Variants in SH2D6 observed in about 807,000 individuals in gnomAD.
SH2D6 encodes the protein SH2 domain containing 6.
A neutral mutation model predicts 30.2 loss-of-function variants in SH2D6; 31 were observed. The ratio of observed to expected loss-of-function variants is 1.03; its 90% CI spans 0.77 to 1.38. SH2D6 has a LOEUF of 1.38. Among genes scored for constraint, SH2D6 ranks in the 40% most tolerant of loss-of-function variants. The pLI is 0.00. For synonymous variants in SH2D6, 93 were observed against 104.6 expected (o/e 0.89, Z 0.68); for missense variants, 240 against 266.8 (o/e 0.90, Z 0.70).
chr2:85,436,132 G>A (rs1048386993), intron 22 of SH2D6, among the ~76,000 whole-genome samples: 3 of 152,120 alleles, frequency 2.0e-5, no homozygotes, highest in Admixed American at 6.5e-5. Context: ...ACTCAATGTC[G>A]CACCCAGCAT....
At chr2:85,424,439 G>A (rs1489762932) in intron 5 of SH2D6, among the ~76,000 whole-genome samples, 1 of 151,980 alleles carries the variant, frequency 6.6e-6, no homozygotes, top group African/African-American at 2.4e-5. Flanking sequence ...TATATTGATG[G>A]ATTTTTTTAA....
At chr2:85,424,311 G>A (rs1353256955) in intron 5 of SH2D6, among the ~76,000 whole-genome samples, 3 of 152,144 alleles carry the variant, frequency 2.0e-5, no homozygotes, top group South Asian at 2.1e-4. Context: ...CTGGCCTCCC[G>A]CTCCCTGGCC....
intron 2 of SH2D6, 91 bp from the exon 3 acceptor site, chr2:85,422,111 GT>G: frequency 6.6e-6 from 1 of 152,160 alleles, no homozygotes; most frequent in Non-Finnish European, 1.5e-5. Context: ...CATTTTGGGG[GT>G]AACATTTTTT....
chr2:85,427,272 T>G (rs977841776), intron 6 of SH2D6, among the ~76,000 whole-genome samples: 2 of 152,214 alleles, frequency 1.3e-5, no homozygotes, highest in Non-Finnish European at 2.9e-5. Flanking sequence ...AATGTGAGTT[T>G]CTAGTAAGTC....
chr2:85,421,126 G>A (rs1171831309), intron 2 of SH2D6, among the ~76,000 whole-genome samples: 1 of 152,254 alleles, frequency 6.6e-6, no homozygotes, highest in Non-Finnish European at 1.5e-5. Context: ...CAGGCTCTGT[G>A]CTGAAGAAGG....
At chr2:85,423,261 T>C (rs1687814980) in intron 5 of SH2D6, among the ~76,000 whole-genome samples, 1 of 144,614 alleles carries the variant, frequency 6.9e-6, no homozygotes, top group Non-Finnish European at 1.5e-5. Flanking sequence ...CTCACTCTGC[T>C]CACTCTGTCG....
chr2:85,423,541 A>G (rs1021847922), intron 5 of SH2D6, among the ~76,000 whole-genome samples: 2 of 152,166 alleles, frequency 1.3e-5, no homozygotes, highest in African/African-American at 4.8e-5. Context: ...CCAACAAACT[A>G]CACACCAGAC....
At chr2:85,424,260 C>A (rs186801591) in intron 5 of SH2D6, among the ~76,000 whole-genome samples, 7 of 152,334 alleles carry the variant, frequency 4.6e-5, no homozygotes, top group Non-Finnish European at 8.8e-5. Context: ...GAAGGGAAAC[C>A]TGGCTTTCCC....
chr2:85,427,527 C>A (rs1688151156), intron 6 of SH2D6, among the ~76,000 whole-genome samples: 1 of 152,192 alleles, frequency 6.6e-6, no homozygotes, highest in Non-Finnish European at 1.5e-5. Context: ...TATGCAAAGC[C>A]CTGAGCAGAG....
chr2:85,420,880 G>C (rs572848523), intron 2 of SH2D6: 1 of 152,382 alleles, frequency 6.6e-6, no homozygotes, highest in African/African-American at 2.4e-5. Context: ...ACAGTGGCCC[G>C]GGACGGGGTG....
At chr2:85,435,010 T>TTTCCCCC in intron 19 of SH2D6, 55 bp from the exon 20 acceptor site, 1 of 1,530,094 alleles carries the variant, frequency 6.5e-7, no homozygotes, top group Non-Finnish European at 8.8e-7. Context: ...AAGCCACCTT[T>TTTCCCCC]GCCCACCCCC....
In SH2D6 at chr2:85,428,607, G is replaced by C. The variant is rs745805892; in HGVS notation, c.-185G>C. On this transcript the variant is annotated 5_prime_UTR_variant, in exon 7 of 24. Coordinates refer to ENST00000469800, the MANE Select transcript of SH2D6 (RefSeq NM_001394463.1). ...AGACAAGAGGCCATGTGAGGACACA[G>C]AGAAAGCAGCCGTTTACAAGCCAAG... The C allele has an allele frequency of 2.6e-5, 4 of 152,198 alleles. No individual in the cohort carries two copies. The highest frequency in any genetic ancestry group is 5.9e-5 in the Non-Finnish European group (4 of 68,046). 9.4% of individuals were successfully genotyped at this position (152,198 alleles called of 1,614,324 possible). A position where few individuals can be genotyped will look rare whatever the true frequency, so the allele number is the denominator to read the frequency against.
chr2:85,435,212 G>A (rs1325785196), intron 20 of SH2D6, 89 bp downstream of exon 20: 19 of 1,401,872 alleles, frequency 1.4e-5, no homozygotes, highest in South Asian at 4.8e-5. Context: ...GGGCTGAAGG[G>A]TGCACCACTG....
Position 85,436,527 on chromosome 2 carries a change from A to G in SH2D6, c.953A>G (p.Asp318Gly). The stretch of plus-strand genomic sequence containing the variant: ...ATGTGGCACCCTCTGCCCCTTGTGG[A>G]CAGACACAGCGGCAGCCGGGAACTC... ...HFMWHPLPLV[D>G]RHSGSRELTC... Residue 318 changes from aspartate (D) to glycine (G), a missense_variant, in exon 23 of 24, where the codon GAC becomes GGC. Coordinates refer to ENST00000469800, the MANE Select transcript of SH2D6 (RefSeq NM_001394463.1). 1.2e-6 allele frequency: 2 copies of G among 1,613,700 alleles called. No individual in the cohort carries two copies. The highest frequency in any genetic ancestry group is 1.7e-6 in the Non-Finnish European group (2 of 1,179,972).
intron 19 of SH2D6, 78 bp downstream of exon 19, chr2:85,434,575 TC>T: frequency 6.6e-7 from 1 of 1,515,348 alleles, no homozygotes; most frequent in Non-Finnish European, 8.9e-7. Flanking sequence ...AACTCCTTGT[TC>T]TACCCTTTCC....
At chr2:85,423,481 C>T (rs1687827095) in intron 5 of SH2D6, among the ~76,000 whole-genome samples, 1 of 152,208 alleles carries the variant, frequency 6.6e-6, no homozygotes, top group Non-Finnish European at 1.5e-5. Context: ...GATCCACCTG[C>T]CTTGACCTCC....
Position 85,425,793 on chromosome 2 carries a change from C to T in SH2D6, c.-209+386C>T, listed in dbSNP as rs1687995182. ...TTGATTTGGGCCCTGGGTGGTGGCA[C>T]TAAGGGCTCACTCCCCTAAGCCTCT... On this transcript the variant is annotated intron_variant, in intron 6 of 23. Transcript: ENST00000469800. Among the ~76,000 whole-genome samples the T allele has an allele frequency of 2.0e-5, 3 of 152,124 alleles. No homozygotes were observed. In the South Asian group the frequency reaches 6.2e-4, roughly 32 times the overall value.
chr2:85,433,196 A>T, intron 15 of SH2D6, 75 bp downstream of exon 15: 22 of 780,342 alleles, frequency 2.8e-5, no homozygotes, highest in Non-Finnish European at 3.3e-5. Flanking sequence ...GGTGGGGCCT[A>T]GGGAGGGCCA....
At chr2:85,434,288 T>C in intron 17 of SH2D6, 52 bp from the exon 18 acceptor site, 1 of 1,522,138 alleles carries the variant, frequency 6.6e-7, no homozygotes. Context: ...TGGCCCTTTC[T>C]CTTGAAAAAC....
Sources: gnomAD v4.1 joint callset for allele counts (sites outside exome capture counted in the v4.1 genomes callset) on GRCh38, gnomAD v4.1.1 for gene constraint, MANE v1.5 for transcripts, NCBI Gene and HGNC (gene_info 2026-07-23, HGNC 2026-07-21) for gene names.